NUBPL: variants seen among roughly 807,000 people sequenced by gnomAD.
The protein encoded by NUBPL is iron-sulfur cluster transfer protein NUBPL.
NUBPL carries 31 observed loss-of-function variants against 45.7 expected under a neutral mutation model. The ratio of observed to expected loss-of-function variants is 0.68; its 90% CI spans 0.51 to 0.92. The LOEUF is 0.92. Among genes scored for constraint, NUBPL ranks in the 40% least tolerant of loss-of-function variants. NUBPL has a pLI of 0.00. For synonymous variants in NUBPL, 144 were observed against 140.9 expected (o/e 1.02, Z -0.15); for missense variants, 401 against 398.7 (o/e 1.01, Z -0.05).
intron 6 of NUBPL, among the ~76,000 whole-genome samples, chr14:31,747,140 C>T (rs68051937): frequency 0.44 from 53,995 of 123,214 alleles, 12,647 homozygotes; most frequent in African/African-American, 0.63. Flanking sequence ...CTGGGCTTTT[C>T]TTTTTTTTTT....
At chr14:31,578,633 C>T (rs1330482632) in intron 3 of NUBPL, among the ~76,000 whole-genome samples, 1 of 152,202 alleles carries the variant, frequency 6.6e-6, no homozygotes, top group East Asian at 1.9e-4. Context: ...CTTTCTCCTT[C>T]ATCTCTCAAA....
chr14:31,614,960 A>G (rs1464430528), intron 4 of NUBPL, among the ~76,000 whole-genome samples: 2 of 152,290 alleles, frequency 1.3e-5, no homozygotes, highest in Non-Finnish European at 2.9e-5. Context: ...ATAAGCCAGG[A>G]GTCTGTTGTA....
chr14:31,631,373 A>T (rs2035338685), intron 4 of NUBPL, among the ~76,000 whole-genome samples: 3 of 151,996 alleles, frequency 2.0e-5, no homozygotes, highest in Admixed American at 6.6e-5. Context: ...AAGTCAGATG[A>T]ATCCATCATC....
chr14:31,810,826 C>T (rs975273626), intron 7 of NUBPL, among the ~76,000 whole-genome samples: 1 of 152,150 alleles, frequency 6.6e-6, no homozygotes. Context: ...GTGACAAAAT[C>T]TCTCAGCATT....
chr14:31,756,002 T>G (rs181153420), intron 6 of NUBPL, among the ~76,000 whole-genome samples: 1 of 152,314 alleles, frequency 6.6e-6, no homozygotes. Context: ...AAAGATCAGA[T>G]AGTTGTAGAT....
At chr14:31,613,165 A>G (rs547814131) in intron 4 of NUBPL, among the ~76,000 whole-genome samples, 1 of 152,348 alleles carries the variant, frequency 6.6e-6, no homozygotes, top group East Asian at 1.9e-4. Flanking sequence ...ACTGGAGATC[A>G]TTATGTTAAA....
chr14:31,568,193 A>G (rs1028939336), intron 3 of NUBPL, among the ~76,000 whole-genome samples: 2 of 152,198 alleles, frequency 1.3e-5, no homozygotes, highest in African/African-American at 2.4e-5. Context: ...GGAAAATTCA[A>G]TGGATGGGAA....
At chr14:31,648,896 C>A (rs1830636158) in intron 4 of NUBPL, among the ~76,000 whole-genome samples, 1 of 152,220 alleles carries the variant, frequency 6.6e-6, no homozygotes, top group African/African-American at 2.4e-5. Context: ...GCAACCTCCG[C>A]CTCCCGGGTT....
chr14:31,808,968 A>C (rs1156858555), intron 7 of NUBPL, among the ~76,000 whole-genome samples: 1 of 152,152 alleles, frequency 6.6e-6, no homozygotes, highest in East Asian at 1.9e-4. Flanking sequence ...GGATGAATCC[A>C]ACTTGATCAT....
intron 6 of NUBPL, among the ~76,000 whole-genome samples, chr14:31,682,564 A>T (rs983388919): frequency 6.6e-6 from 1 of 151,910 alleles, no homozygotes; most frequent in Non-Finnish European, 1.5e-5. Flanking sequence ...TTTTTTCCTC[A>T]TATGTTTCAT....
intron 7 of NUBPL, among the ~76,000 whole-genome samples, chr14:31,822,164 A>G (rs1247070942): frequency 6.6e-6 from 1 of 152,214 alleles, no homozygotes. Flanking sequence ...ACTTAATTGT[A>G]CATTTTAAAA....
intron 6 of NUBPL, among the ~76,000 whole-genome samples, chr14:31,764,251 G>A (rs2038870710): frequency 6.6e-6 from 1 of 152,132 alleles, no homozygotes; most frequent in African/African-American, 2.4e-5. Context: ...ATTTGGGTAG[G>A]ATATAATGAT....
At chr14:31,569,547 CT>C (rs971024921) in intron 3 of NUBPL, among the ~76,000 whole-genome samples, 1 of 150,752 alleles carries the variant, frequency 6.6e-6, no homozygotes, top group African/African-American at 2.4e-5. Flanking sequence ...ATTTTTCCTG[CT>C]TTTTCCTTGC....
chr14:31,615,802 G>A (rs1225578480), intron 4 of NUBPL, among the ~76,000 whole-genome samples: 1 of 152,124 alleles, frequency 6.6e-6, no homozygotes, highest in Non-Finnish European at 1.5e-5. Flanking sequence ...AATCCTTTGG[G>A]TATATACCCA....
At chr14:31,793,835 T>TTTTTTTTA (rs796808936) in intron 7 of NUBPL, among the ~76,000 whole-genome samples, 12 of 130,418 alleles carry the variant, frequency 9.2e-5, no homozygotes, top group African/African-American at 3.3e-4. Flanking sequence ...TTTCTTTTTT[T>TTTTTTTTA]TTTTTATTTT....
intron 4 of NUBPL, among the ~76,000 whole-genome samples, chr14:31,647,781 G>A (rs2035895875): frequency 6.6e-6 from 1 of 152,206 alleles, no homozygotes; most frequent in Non-Finnish European, 1.5e-5. Flanking sequence ...AACCCAAGAT[G>A]GTGGGGAAAC....
chr14:31,834,120 G>C (rs543666571), intron 8 of NUBPL, among the ~76,000 whole-genome samples: 6 of 150,354 alleles, frequency 4.0e-5, no homozygotes, highest in Non-Finnish European at 5.9e-5. Context: ...TACCTTTCCT[G>C]TGGTTTAATT....
chr14:31,671,290 A>C (rs1378265943), intron 4 of NUBPL, among the ~76,000 whole-genome samples: 1 of 152,244 alleles, frequency 6.6e-6, no homozygotes, highest in Non-Finnish European at 1.5e-5. Context: ...TTGGACATTT[A>C]GGTTGATTTC....
chr14:31,724,028 G>A (rs1310845011), intron 6 of NUBPL, among the ~76,000 whole-genome samples: 1 of 152,152 alleles, frequency 6.6e-6, no homozygotes, highest in Non-Finnish European at 1.5e-5. Flanking sequence ...GTTTTCAAGG[G>A]GAATGCTTCC....
Sources: allele counts gnomAD v4.1 joint callset (sites outside exome capture counted in the v4.1 genomes callset), GRCh38; gene constraint gnomAD v4.1.1; transcripts MANE v1.5; gene names NCBI Gene and HGNC (gene_info 2026-07-23, HGNC 2026-07-21).